C7orf33: variants seen among roughly 807,000 people sequenced by gnomAD.
The protein encoded by C7orf33 is uncharacterized protein C7orf33.
In C7orf33, 15 loss-of-function variants were observed where a neutral mutation model predicts 13.4. The observed-to-expected ratio is 1.12, with a 90% CI of 0.75 to 1.72. The LOEUF is 1.72. C7orf33 is among the 40% of genes most tolerant of loss of function. The pLI is 0.00. For missense variants in C7orf33, 187 were observed against 220.3 expected, an observed-to-expected ratio of 0.85 and a Z score of 0.96; for synonymous variants, 73 against 83.2, an observed-to-expected ratio of 0.88 and a Z score of 0.67.
chr7:148,613,409 A>G (rs1796567479), intron 1 of C7orf33, among the ~76,000 whole-genome samples: 1 of 152,252 alleles, frequency 6.6e-6, no homozygotes. Context: ...AAATGGAAAC[A>G]ACCCAAATGT....
At chr7:148,592,875 T>G (rs1261837604) in intron 1 of C7orf33, among the ~76,000 whole-genome samples, 1 of 151,814 alleles carries the variant, frequency 6.6e-6, no homozygotes, top group Non-Finnish European at 1.5e-5. Context: ...AGTTTCACTC[T>G]TGTCACCCAG....
intron 1 of C7orf33, among the ~76,000 whole-genome samples, chr7:148,602,952 T>C (rs1796433138): frequency 6.6e-6 from 1 of 152,198 alleles, no homozygotes; most frequent in South Asian, 2.1e-4. Flanking sequence ...ACTTCTTAAG[T>C]CTGAAATTCT....
At chr7:148,596,399 G>A (rs975932948) in intron 1 of C7orf33, among the ~76,000 whole-genome samples, 3 of 152,178 alleles carry the variant, frequency 2.0e-5, no homozygotes, top group Non-Finnish European at 4.4e-5. Context: ...TGCTGTATTA[G>A]TCTGTTCTCA....
chr7:148,615,860 A>C lies in C7orf33; in HGVS notation c.*459A>C, dbSNP rs1386681684. 1.3e-5 allele frequency: 2 copies of C among 155,032 alleles called. No homozygotes were observed. The highest frequency in any genetic ancestry group is 1.3e-4 in the Admixed American group (2 of 15,866). The allele number at this position is 155,032 out of a possible 1,614,324, so 9.6% of individuals were successfully genotyped here. On this transcript the variant is annotated 3_prime_UTR_variant, in exon 3 of 3. Coordinates refer to ENST00000307003, the MANE Select transcript of C7orf33 (RefSeq NM_145304.4). ...TTCAGTAAAACTCGCGATGAAACTT[A>C]TCTCATTGTGTGGATTTCATTCTTC...
intron 1 of C7orf33, among the ~76,000 whole-genome samples, chr7:148,601,490 C>A (rs988528783): frequency 6.6e-6 from 1 of 151,888 alleles, no homozygotes; most frequent in Non-Finnish European, 1.5e-5. Context: ...GGACTTCAGG[C>A]ATGTACCACC....
intron 1 of C7orf33, among the ~76,000 whole-genome samples, chr7:148,612,870 A>T (rs1329693872): frequency 1.3e-5 from 2 of 151,742 alleles, no homozygotes; most frequent in African/African-American, 4.8e-5. Flanking sequence ...TTTTATTTTT[A>T]GTTGGCACAT....
intron 1 of C7orf33, among the ~76,000 whole-genome samples, chr7:148,592,998 ATC>A (rs1796286861): frequency 6.6e-6 from 1 of 150,982 alleles, no homozygotes; most frequent in South Asian, 2.1e-4. Context: ...CCACCACCAC[ATC>A]CTACTAATTT....
intron 1 of C7orf33, among the ~76,000 whole-genome samples, chr7:148,600,093 A>T (rs992363115): frequency 6.7e-6 from 1 of 150,214 alleles, no homozygotes; most frequent in Non-Finnish European, 1.5e-5. Context: ...ACAGGCTCCA[A>T]TGGGCACAGC....
rs574885275 is a variant in C7orf33, at chr7:148,594,733, A to T, written c.204+3604A>T. Among the ~76,000 whole-genome samples the T allele has an allele frequency of 3.9e-5, 6 of 152,292 alleles. No individual in the cohort carries two copies. The South Asian group carries it at 1.2e-3, about 32-fold the overall frequency. On this transcript the variant is annotated intron_variant, in intron 1 of 2. Coordinates refer to ENST00000307003, the MANE Select transcript of C7orf33 (RefSeq NM_145304.4). ...GTTTAGGGAAAATATGATGAAATTCAATATATTTGAATTTGGGAATATATT... is the reference window on the plus strand; with the variant it reads ...GTTTAGGGAAAATATGATGAAATTCTATATATTTGAATTTGGGAATATATT...
chr7:148,608,226 A>C (rs1454225166), intron 1 of C7orf33, among the ~76,000 whole-genome samples: 2 of 152,084 alleles, frequency 1.3e-5, no homozygotes, highest in Non-Finnish European at 2.9e-5. Flanking sequence ...TCAAGATGTC[A>C]AGACCATCCT....
At chr7:148,594,809 C>A (rs1275026799) in intron 1 of C7orf33, among the ~76,000 whole-genome samples, 1 of 151,980 alleles carries the variant, frequency 6.6e-6, no homozygotes, top group African/African-American at 2.4e-5. Flanking sequence ...TGGCATGGTA[C>A]CACTGTGGAT....
At chr7:148,602,298 A>G (rs1267226514) in intron 1 of C7orf33, among the ~76,000 whole-genome samples, 1 of 152,074 alleles carries the variant, frequency 6.6e-6, no homozygotes, top group Non-Finnish European at 1.5e-5. Context: ...TCTAAGATTG[A>G]TAATAATAAG....
chr7:148,615,479 A>G lies in C7orf33; in HGVS notation c.*78A>G. On this transcript the variant is annotated 3_prime_UTR_variant, in exon 3 of 3. Coordinates refer to ENST00000307003, the MANE Select transcript of C7orf33 (RefSeq NM_145304.4). Reference sequence around the variant, plus strand: ...TCTCTTCTTGCAAGAAAAAAGAGAAATAGCTGAAGTTCTGGAAATAACAGT... The same window carrying G: ...TCTCTTCTTGCAAGAAAAAAGAGAAGTAGCTGAAGTTCTGGAAATAACAGT... 1.1e-6 allele frequency: 1 copy of G among 935,272 alleles called. No individual in the cohort carries two copies. The highest frequency in any genetic ancestry group is 1.4e-5 in the South Asian group (1 of 73,966). 57.9% of individuals were successfully genotyped at this position (935,272 alleles called of 1,614,324 possible). A position where few individuals can be genotyped will look rare whatever the true frequency, so the allele number is the denominator to read the frequency against.
chr7:148,595,019 G>T (rs1001748500), intron 1 of C7orf33, among the ~76,000 whole-genome samples: 1 of 151,838 alleles, frequency 6.6e-6, no homozygotes, highest in Admixed American at 6.6e-5. Context: ...AGAAAGTCCT[G>T]ACCACCTAAC....
rs145852917 is a variant in C7orf33 at position 148,611,687 on chromosome 7, T to G, written c.205-2355T>G. On this transcript the variant is annotated intron_variant, in intron 1 of 2. Coordinates refer to ENST00000307003, the MANE Select transcript of C7orf33 (RefSeq NM_145304.4). ...GGCTGTCACACTGGCCCTCTGCCCT[T>G]GCAATAAGGCAGAGGGTCCATTGAG... is the stretch of plus-strand genomic sequence containing the variant. 5.6e-3 allele frequency among the ~76,000 whole-genome samples: 853 copies of G among 152,308 alleles called. 11 individuals carry two copies. The highest frequency in any genetic ancestry group is 0.019 in the African/African-American group (806 of 41,572).
chr7:148,605,515 A>C (rs1033066668), intron 1 of C7orf33, among the ~76,000 whole-genome samples: 1 of 152,206 alleles, frequency 6.6e-6, no homozygotes, highest in Admixed American at 6.5e-5. Context: ...TGCTCCTGTG[A>C]GTATCATCCT....
At chr7:148,603,878 T>C (rs1563122734) in intron 1 of C7orf33, among the ~76,000 whole-genome samples, 2 of 152,054 alleles carry the variant, frequency 1.3e-5, no homozygotes, top group Non-Finnish European at 2.9e-5. Flanking sequence ...GAACTACCAT[T>C]TGATGGTAGT....
At chr7:148,592,774 C>T (rs1796285053) in intron 1 of C7orf33, among the ~76,000 whole-genome samples, 1 of 152,116 alleles carries the variant, frequency 6.6e-6, no homozygotes, top group African/African-American at 2.4e-5. Flanking sequence ...CTCAACCTCC[C>T]AAAGTGCTGG....
chr7:148,610,773 G>A (rs758360265), intron 1 of C7orf33, among the ~76,000 whole-genome samples: 1 of 151,992 alleles, frequency 6.6e-6, no homozygotes, highest in Non-Finnish European at 1.5e-5. Flanking sequence ...ACAGCAATGG[G>A]GCAGGGCTAG....
Sources: allele counts gnomAD v4.1 joint callset (sites outside exome capture counted in the v4.1 genomes callset), GRCh38; gene constraint gnomAD v4.1.1; transcripts MANE v1.5; gene names NCBI Gene and HGNC (gene_info 2026-07-23, HGNC 2026-07-21).